Variants in APLF observed in about 807,000 individuals in gnomAD.
APLF encodes aprataxin and PNKP like factor.
A neutral mutation model predicts 55.6 loss-of-function variants in APLF; 61 were observed. The observed-to-expected ratio is 1.10, with a 90% CI of 0.89 to 1.36. The LOEUF (loss-of-function observed/expected upper bound fraction) is 1.36, where lower values mean the gene tolerates loss of function less well. Among genes scored for constraint, APLF ranks in the 40% most tolerant of loss-of-function variants. APLF has a pLI of 0.00. For missense variants in APLF, 611 were observed against 602.5 expected (o/e 1.01, Z -0.15); for synonymous variants, 207 against 214.8 (o/e 0.96, Z 0.32).
chr2:68,469,023 G>GTGT (rs1675531802), intron 1 of APLF, among the ~76,000 whole-genome samples: 3 of 145,852 alleles, frequency 2.1e-5, no homozygotes, highest in African/African-American at 7.8e-5. Flanking sequence ...TGTGTGTGTT[G>GTGT]TGTGTTGTGT....
At chr2:68,548,811 G>A (rs992000618) in intron 8 of APLF, among the ~76,000 whole-genome samples, 3 of 151,210 alleles carry the variant, frequency 2.0e-5, no homozygotes, top group Middle Eastern at 3.4e-3. Flanking sequence ...TGTAGAATAA[G>A]TTCTAGTGAA....
intron 7 of APLF, among the ~76,000 whole-genome samples, chr2:68,540,771 CGTGT>C (rs1046162460): frequency 6.7e-6 from 1 of 148,294 alleles, no homozygotes; most frequent in Non-Finnish European, 1.5e-5. Context: ...TATGTGCATG[CGTGT>C]GTGTGTGTGT....
chr2:68,519,092 T>TAC (rs1669807094), intron 5 of APLF, among the ~76,000 whole-genome samples: 1 of 124,924 alleles, frequency 8.0e-6, no homozygotes, highest in Non-Finnish European at 1.6e-5. Flanking sequence ...ATATAATTAA[T>TAC]ATATAATAAT....
chr2:68,577,697 G>C, intron 9 of APLF, 123 bp from the exon 10 acceptor site: 4 of 1,154,020 alleles, frequency 3.5e-6, no homozygotes, highest in Non-Finnish European at 4.8e-6. Flanking sequence ...GAAATTTGTA[G>C]TGGTAAGCTA....
chr2:68,560,675 TTAATAA>T (rs2104051672), intron 8 of APLF, among the ~76,000 whole-genome samples: 2 of 152,190 alleles, frequency 1.3e-5, no homozygotes, highest in South Asian at 4.1e-4. Flanking sequence ...TCTCAAACTG[TTAATAA>T]TTAACAATGA....
At chr2:68,524,399 T>C (rs1238939135) in intron 5 of APLF, among the ~76,000 whole-genome samples, 1 of 152,234 alleles carries the variant, frequency 6.6e-6, no homozygotes, top group African/African-American at 2.4e-5. Flanking sequence ...CCTTTAGAAC[T>C]GGACTAAGCA....
At chr2:68,500,542 G>A (rs1248167906) in intron 2 of APLF, among the ~76,000 whole-genome samples, 1 of 152,162 alleles carries the variant, frequency 6.6e-6, no homozygotes, top group South Asian at 2.1e-4. Context: ...TAACATCCTA[G>A]CCTTTGTAAG....
chr2:68,480,602 G>GC (rs1553368053), intron 1 of APLF, among the ~76,000 whole-genome samples: 2 of 147,764 alleles, frequency 1.4e-5, no homozygotes. Context: ...ATGCCCGGCT[G>GC]TTTTTTTTTT....
At chr2:68,499,604 C>G (rs1676659943) in intron 2 of APLF, among the ~76,000 whole-genome samples, 1 of 152,068 alleles carries the variant, frequency 6.6e-6, no homozygotes, top group Non-Finnish European at 1.5e-5. Context: ...TTTGGGAGGC[C>G]AGGGCAGGTG....
At chr2:68,551,414 T>C (rs1365938987) in intron 8 of APLF, among the ~76,000 whole-genome samples, 1 of 152,100 alleles carries the variant, frequency 6.6e-6, no homozygotes, top group East Asian at 1.9e-4. Flanking sequence ...GCTTGGCTAT[T>C]ATCTCATCAG....
rs151090290 is a variant in APLF at position 68,485,933 on chromosome 2, C to T, written c.97-4257C>T. On this transcript the variant is annotated intron_variant, in intron 1 of 9. Transcript: ENST00000303795. ...CAAGCAATCTTCCTACCTCAGCCTC[C>T]CAAGTATTAATATTTGGGACTATAG... is the stretch of plus-strand genomic sequence containing the variant. 3.4e-3 allele frequency among the ~76,000 whole-genome samples: 510 copies of T among 151,798 alleles called. 3 individuals are homozygous for T. Among genetic ancestry groups the T allele is most frequent in the African/African-American group, 0.012 (496 of 41,320 alleles).
chr2:68,488,398 A>G (rs897133327), intron 1 of APLF, among the ~76,000 whole-genome samples: 1 of 146,702 alleles, frequency 6.8e-6, no homozygotes, highest in African/African-American at 2.6e-5. Context: ...TGGCACGATC[A>G]TGGCTCATTG....
At chr2:68,528,501 A>G in intron 6 of APLF, 4 of 1,533,770 alleles carry the variant, frequency 2.6e-6, no homozygotes, top group Non-Finnish European at 3.5e-6. Context: ...CTTTTGCGGG[A>G]CCTGTGGCCG....
chr2:68,578,503 A>G lies in APLF; in HGVS notation c.*481A>G, dbSNP rs1293874955. The G allele has an allele frequency of 1.0e-6, 1 of 987,058 alleles. No homozygotes were observed. The highest frequency in any genetic ancestry group is 1.2e-6 in the Non-Finnish European group (1 of 831,272). The allele number at this position is 987,058 out of a possible 1,614,324, so 61.1% of individuals were successfully genotyped here. A position where few individuals can be genotyped will look rare whatever the true frequency, so the allele number is the denominator to read the frequency against. ...CATTACATAATGGCGTTTTTTTTCT[A>G]GTACCTTAGATGTGAGCTTTGCAAT... On this transcript the variant is annotated 3_prime_UTR_variant, in exon 10 of 10. Coordinates refer to ENST00000303795, the MANE Select transcript of APLF (RefSeq NM_173545.3).
chr2:68,487,238 G>A (rs1406390457), intron 1 of APLF, among the ~76,000 whole-genome samples: 1 of 152,090 alleles, frequency 6.6e-6, no homozygotes, highest in East Asian at 1.9e-4. Flanking sequence ...AGCCATTTCT[G>A]CCTTATTTCC....
In APLF at chr2:68,475,673, C is replaced by T. The variant is rs180791420; in HGVS notation, c.96+7846C>T. Among the ~76,000 whole-genome samples, 305 of 152,176 alleles carry T rather than the reference C, an allele frequency of 2.0e-3. 1 individual carries two copies. Among genetic ancestry groups the T allele is most frequent in the African/African-American group, 7.0e-3 (290 of 41,518 alleles). ...AGTTGGACTTTGTACATTCCAAATA[C>T]GATAATGTCAAACATCTTATATCAA... On this transcript the variant is annotated intron_variant, in intron 1 of 9. Coordinates refer to ENST00000303795, the MANE Select transcript of APLF (RefSeq NM_173545.3).
intron 3 of APLF, 28 bp downstream of exon 3, chr2:68,502,931 A>AATGTTATTTTT (rs757467214): frequency 1.3e-5 from 20 of 1,577,390 alleles, no homozygotes; most frequent in Non-Finnish European, 1.5e-5. Context: ...TGAGAGTAAG[A>AATGTTATTTTT]ATGTTATTTT....
chr2:68,503,107 C>T (rs776771435), intron 3 of APLF, among the ~76,000 whole-genome samples: 4 of 152,034 alleles, frequency 2.6e-5, no homozygotes, highest in African/African-American at 9.7e-5. Flanking sequence ...TTCTAGAAAA[C>T]ATTTGACTTT....
In APLF at chr2:68,545,171, TTTG is replaced by T. The variant is rs746110074; in HGVS notation, c.1161-14_1161-12del. ...CCTATTTTTTTTTTCTGACAGTATA[TTTG>T]TCGCCCTCCTAGGAAGAATCCTGTT... On this transcript the variant is annotated splice_polypyrimidine_tract_variant and intron_variant, in intron 7 of 9. Transcript: ENST00000303795. The T allele has an allele frequency of 6.2e-7, 1 of 1,611,614 alleles. No individual in the cohort carries two copies. The highest frequency in any genetic ancestry group is 8.5e-7 in the Non-Finnish European group (1 of 1,178,848).
Sources: allele counts gnomAD v4.1 joint callset (sites outside exome capture counted in the v4.1 genomes callset), GRCh38; gene constraint gnomAD v4.1.1; transcripts MANE v1.5; gene names NCBI Gene and HGNC (gene_info 2026-07-23, HGNC 2026-07-21).